CRHR2: variants seen among roughly 807,000 people sequenced by gnomAD.
CRHR2 encodes corticotropin-releasing hormone receptor 2.
CRHR2 carries 53 observed loss-of-function variants against 57.9 expected under a neutral mutation model. The ratio of observed to expected loss-of-function variants is 0.92; its 90% CI spans 0.73 to 1.15. CRHR2 has a LOEUF of 1.15. CRHR2 is among the 50% of genes most tolerant of loss of function. The pLI is 0.00. For missense variants in CRHR2, 532 were observed against 542.6 expected (o/e 0.98, Z 0.19); for synonymous variants, 213 against 220.9 (o/e 0.96, Z 0.32).
intron 8 of CRHR2, 107 bp downstream of exon 8, chr7:30,660,466 G>C (rs981891597): frequency 5.2e-6 from 6 of 1,143,998 alleles, no homozygotes; most frequent in Non-Finnish European, 7.5e-6. Flanking sequence ...TATAGAGTGT[G>C]TGCGCAGGGC....
chr7:30,670,097 TA>T (rs993478467), intron 2 of CRHR2, among the ~76,000 whole-genome samples: 6 of 152,048 alleles, frequency 3.9e-5, no homozygotes, highest in Admixed American at 3.9e-4. Context: ...TGAACCACAA[TA>T]ACACATACAT....
At chr7:30,683,845 TA>T (rs1299134296), upstream of CRHR2, among the ~76,000 whole-genome samples, 1 of 152,330 alleles carries the variant, frequency 6.6e-6, no homozygotes, top group African/African-American at 2.4e-5. Context: ...CACATAAACC[TA>T]AGCTGCTAGG....
At position 30,655,856 on chromosome 7, in the gene CRHR2, C is replaced by G. The variant is rs1450743081; in HGVS notation, c.917+71G>C. The G allele has an allele frequency of 1.1e-5, 18 of 1,599,402 alleles. No individual in the cohort carries two copies. The East Asian group carries it at 3.4e-4, about 30-fold the overall frequency. ...TGAGGCCTGGGGCAGAGGGCTCTGC[C>G]AGGAAGCAGGGGGACGGCCCGATGA... On this transcript the variant is annotated intron_variant, in intron 9 of 11. Coordinates refer to ENST00000471646, the MANE Select transcript of CRHR2 (RefSeq NM_001883.5).
chr7:30,675,736 TCTGA>T (rs1270802834), intron 2 of CRHR2, among the ~76,000 whole-genome samples: 3 of 152,238 alleles, frequency 2.0e-5, no homozygotes, highest in African/African-American at 7.2e-5. Context: ...TTCCATGTGC[TCTGA>T]CTGTCTTCAC....
At chr7:30,671,631 C>T (rs866825056) in intron 2 of CRHR2, among the ~76,000 whole-genome samples, 37 of 76,722 alleles carry the variant, frequency 4.8e-4, no homozygotes, top group African/African-American at 1.1e-3. Context: ...GAAACCCCAT[C>T]TCTCAAAAAA....
At chr7:30,679,109 C>T (rs553656242) in intron 2 of CRHR2, among the ~76,000 whole-genome samples, 13 of 152,328 alleles carry the variant, frequency 8.5e-5, no homozygotes, top group African/African-American at 2.9e-4. Flanking sequence ...CTTGCCTTTG[C>T]TCAGTCCCCT....
chr7:30,662,155 C>G lies in CRHR2; in HGVS notation c.758+1G>C. 6.2e-7 allele frequency: 1 copy of G among 1,614,006 alleles called. No individual in the cohort carries two copies. The highest frequency in any genetic ancestry group is 8.5e-7 in the Non-Finnish European group (1 of 1,179,942). On this transcript the variant is annotated splice_donor_variant, in intron 7 of 11. Transcript: ENST00000471646. LOFTEE classifies it high-confidence loss of function. Reference sequence around the variant, plus strand: ...CCCCCATGGCTGGCCCATCCACTTACTGTTCATTCTCATAGTAGAGCTTGC... The same window carrying G: ...CCCCCATGGCTGGCCCATCCACTTAGTGTTCATTCTCATAGTAGAGCTTGC...
chr7:30,678,906 G>A (rs941187302), intron 2 of CRHR2, among the ~76,000 whole-genome samples: 18 of 152,282 alleles, frequency 1.2e-4, no homozygotes, highest in Admixed American at 9.1e-4. Context: ...TCCCTCCAGA[G>A]GACAGTGTGC....
intron 2 of CRHR2, chr7:30,689,048 G>A: frequency 2.7e-6 from 2 of 745,516 alleles, no homozygotes; most frequent in Non-Finnish European, 4.7e-6. Flanking sequence ...CCTCAGCAAG[G>A]CAGAAATCAA....
chr7:30,662,541 C>G (rs967873640), intron 6 of CRHR2, among the ~76,000 whole-genome samples, 153 bp downstream of exon 6: 1 of 152,214 alleles, frequency 6.6e-6, no homozygotes, highest in Non-Finnish European at 1.5e-5. Flanking sequence ...TTGCTTGTTC[C>G]TCACCAGCAT....
chr7:30,662,974 A>G, intron 5 of CRHR2, 127 bp from the exon 6 acceptor site: 2 of 1,093,152 alleles, frequency 1.8e-6, no homozygotes, highest in Middle Eastern at 2.6e-4. Flanking sequence ...ATCAAATACC[A>G]GCGAACCTCA....
At chr7:30,671,402 G>A (rs74338465) in intron 2 of CRHR2, among the ~76,000 whole-genome samples, 12,393 of 152,098 alleles carry the variant, frequency 0.081, 558 homozygotes, top group Admixed American at 0.12. Context: ...TAGTTTTGGG[G>A]GAAGGAGTAC....
intron 8 of CRHR2, among the ~76,000 whole-genome samples, chr7:30,657,107 A>T (rs1029742601): frequency 8.6e-5 from 13 of 151,478 alleles, no homozygotes; most frequent in African/African-American, 3.2e-4. Context: ...ACACACACAC[A>T]CACCTCTGAC....
At position 30,682,172 on chromosome 7, in the gene CRHR2, G is replaced by T. The variant is rs531419645; in HGVS notation, c.103+6C>A. ...CGCAGCCTCCGACCGCTCGCCTCCCGCCTACCCTCGGGGTCCAGGGGTGGC... is the reference window on the plus strand; with the variant it reads ...CGCAGCCTCCGACCGCTCGCCTCCCTCCTACCCTCGGGGTCCAGGGGTGGC... On this transcript the variant is annotated splice_donor_region_variant and intron_variant, in intron 1 of 11. Transcript: ENST00000471646. The T allele has an allele frequency of 1.3e-6, 2 of 1,566,992 alleles. No individual in the cohort carries two copies. Among genetic ancestry groups the T allele is most frequent in the South Asian group, 1.2e-5 (1 of 85,558 alleles).
At chr7:30,689,405 C>T in intron 1 of CRHR2, 2 of 833,772 alleles carry the variant, frequency 2.4e-6, no homozygotes, top group Non-Finnish European at 3.9e-6. Flanking sequence ...AGAGGGAGAA[C>T]AAGGAGGGAG....
Position 30,667,338 on chromosome 7 carries a change from A to G in CRHR2, c.230-25T>C, listed in dbSNP as rs762616346. 3.3e-5 allele frequency: 53 copies of G among 1,609,148 alleles called. No homozygotes were observed. In the African/African-American group the frequency reaches 6.5e-4, roughly 20 times the overall value. ...CCTACAAAAAATGCCAACTGCCAAG[A>G]GTCAGGTCACTCCCCTCCTCAAGAA... On this transcript the variant is annotated intron_variant, in intron 2 of 11. Transcript: ENST00000471646.
rs1487469928 is a variant in CRHR2 at position 30,652,487 on chromosome 7, A to G, written c.*973T>C. On this transcript the variant is annotated 3_prime_UTR_variant, in exon 12 of 12. Transcript: ENST00000471646. This position sits in a 1 kb window ranked among gnomAD's most constrained non-coding sequence, Gnocchi z 4.4. ...CCCGAGGCCAGGGCCCGAGCCCACT[A>G]AGGAAGATGGATGTGGCCCCCTCAG... The G allele has an allele frequency of 1.3e-5, 2 of 152,212 alleles. No individual in the cohort carries two copies. Among genetic ancestry groups the G allele is most frequent in the Non-Finnish European group, 2.9e-5 (2 of 68,054 alleles). The allele number at this position is 152,212 out of a possible 1,614,324, so 9.4% of individuals were successfully genotyped here. A position where few individuals can be genotyped will look rare whatever the true frequency, so the allele number is the denominator to read the frequency against.
chr7:30,654,912 C>A, intron 11 of CRHR2, 127 bp downstream of exon 11: 2 of 1,552,540 alleles, frequency 1.3e-6, no homozygotes, highest in Non-Finnish European at 1.7e-6. Context: ...CCCCTAAGGC[C>A]GGGTGGTATC....
chr7:30,671,837 G>A (rs550968489), intron 2 of CRHR2, among the ~76,000 whole-genome samples: 1,711 of 147,226 alleles, frequency 0.012, 10 homozygotes, highest in Admixed American at 0.016. Context: ...TGATGATGAT[G>A]ATGATAATGA....
Sources: allele counts gnomAD v4.1 joint callset (sites outside exome capture counted in the v4.1 genomes callset), GRCh38; gene constraint gnomAD v4.1.1; non-coding constraint Gnocchi (gnomAD v3.1); transcripts MANE v1.5; gene names NCBI Gene and HGNC (gene_info 2026-07-23, HGNC 2026-07-21).